Variants in PARD3B observed in about 807,000 individuals in gnomAD.
PARD3B encodes partitioning defective 3 homolog B.
Under a neutral mutation model 130.2 loss-of-function variants are expected in PARD3B, and 103 were observed. The ratio of observed to expected loss-of-function variants is 0.79; its 90% CI spans 0.67 to 0.93. The LOEUF (loss-of-function observed/expected upper bound fraction) is 0.93. Among genes scored for constraint, PARD3B ranks in the 40% least tolerant of loss-of-function variants. The probability of loss-of-function intolerance (pLI) is 0.00; values close to 1 mark genes in which losing one functional copy is unlikely to be tolerated. For synonymous variants in PARD3B, 583 were observed against 553.2 expected, an observed-to-expected ratio of 1.05 and a Z score of -0.76; for missense variants, 1,609 against 1,499.2, an observed-to-expected ratio of 1.07 and a Z score of -1.21.
intron 15 of PARD3B, among the ~76,000 whole-genome samples, chr2:205,214,068 A>G (rs1478504359): frequency 2.6e-5 from 4 of 151,980 alleles, no homozygotes; most frequent in African/African-American, 7.2e-5. Flanking sequence ...ATTCCTCTGT[A>G]TCTTCCTTTT....
chr2:205,204,035 T>A (rs1484401820), intron 15 of PARD3B, among the ~76,000 whole-genome samples: 1 of 152,238 alleles, frequency 6.6e-6, no homozygotes, highest in Non-Finnish European at 1.5e-5. Flanking sequence ...CACACTGTCT[T>A]CCACAATGGC....
intron 2 of PARD3B, among the ~76,000 whole-genome samples, chr2:204,740,945 AAGCAATGATG>A (rs1230187208): frequency 2.6e-5 from 4 of 152,230 alleles, no homozygotes; most frequent in Admixed American, 6.5e-5. Flanking sequence ...TCTAGAGAAA[AAGCAATGATG>A]ACTTCTAAAT....
intron 2 of PARD3B, among the ~76,000 whole-genome samples, chr2:204,722,613 C>G (rs747548960): frequency 2.6e-5 from 4 of 152,180 alleles, no homozygotes; most frequent in Non-Finnish European, 5.9e-5. Flanking sequence ...CTGACGTAAA[C>G]TCTCATCGGT....
At chr2:204,562,454 A>C (rs181641003) in intron 1 of PARD3B, among the ~76,000 whole-genome samples, 55 of 152,338 alleles carry the variant, frequency 3.6e-4, no homozygotes, top group Non-Finnish European at 1.6e-4. Context: ...CACGTACCTT[A>C]TATGTGTAAT....
rs1002590068 is a variant in PARD3B at position 204,665,610 on chromosome 2, G to A, written c.121-20571G>A. ...CTTGGCTGTGCCATTGGCCAATTTT[G>A]TGACCTCAGGGAGTGTGTAAAATCT... On this transcript the variant is annotated intron_variant, in intron 1 of 22. Coordinates refer to ENST00000406610, the MANE Select transcript of PARD3B (RefSeq NM_001302769.2). 3.9e-5 allele frequency among the ~76,000 whole-genome samples: 6 copies of A among 152,126 alleles called. No individual in the cohort carries two copies. In the South Asian group the frequency reaches 6.2e-4, roughly 16 times the overall value.
At chr2:204,915,765 C>T (rs2047418724) in intron 2 of PARD3B, among the ~76,000 whole-genome samples, 1 of 152,158 alleles carries the variant, frequency 6.6e-6, no homozygotes, top group Non-Finnish European at 1.5e-5. Context: ...AATTAATACT[C>T]GAGGCACCCT....
chr2:204,931,641 T>C (rs773492582), intron 2 of PARD3B, among the ~76,000 whole-genome samples: 1 of 151,956 alleles, frequency 6.6e-6, no homozygotes, highest in Non-Finnish European at 1.5e-5. Context: ...ATTGGCAAGC[T>C]TTCCAGCTTT....
intron 21 of PARD3B, among the ~76,000 whole-genome samples, chr2:205,504,053 A>C (rs534475996): frequency 6.6e-6 from 1 of 152,122 alleles, no homozygotes; most frequent in Non-Finnish European, 1.5e-5. Flanking sequence ...GAAGTTGCCT[A>C]TCAGCTTAAG....
rs1695732769 is a variant in PARD3B, at chr2:205,011,772, T to C, written c.395-35809T>C. ...AAGAAGGGGTCTCACCATTCAGTAT[T>C]TGACTCTTCCTTAGTTTTCTGGGTT... On this transcript the variant is annotated intron_variant, in intron 3 of 22. Coordinates refer to ENST00000406610, the MANE Select transcript of PARD3B (RefSeq NM_001302769.2). The surrounding 1 kb of genome is among the most constrained non-coding windows in gnomAD (Gnocchi z 4.1). Among the ~76,000 whole-genome samples the C allele has an allele frequency of 6.6e-6, 1 of 152,056 alleles. No homozygotes were observed. Among genetic ancestry groups the C allele is most frequent in the African/African-American group, 2.4e-5 (1 of 41,408 alleles).
At chr2:204,794,305 C>G (rs2042294754) in intron 2 of PARD3B, among the ~76,000 whole-genome samples, 1 of 152,092 alleles carries the variant, frequency 6.6e-6, no homozygotes, top group South Asian at 2.1e-4. Context: ...TATATTATTA[C>G]AAGATTGTTT....
chr2:205,266,857 A>G (rs1332173486), intron 16 of PARD3B, among the ~76,000 whole-genome samples: 1 of 152,096 alleles, frequency 6.6e-6, no homozygotes, highest in African/African-American at 2.4e-5. Context: ...ACTCAGGTTG[A>G]GGGAATATAA....
chr2:205,209,040 G>C lies in PARD3B; in HGVS notation c.2140+15720G>C, dbSNP rs1382396351. On this transcript the variant is annotated intron_variant, in intron 15 of 22. Coordinates refer to ENST00000406610, the MANE Select transcript of PARD3B (RefSeq NM_001302769.2). ...AACAGAGATATAGATCAATGGAACA[G>C]AACAGAGCCCTCAGAAATAACGCCG... is the stretch of plus-strand genomic sequence containing the variant. 4.2e-4 allele frequency among the ~76,000 whole-genome samples: 52 copies of C among 124,312 alleles called. 1 individual carries two copies. The highest frequency in any genetic ancestry group is 3.8e-3 in the Admixed American group (47 of 12,372). The allele number at this position is 124,312 out of a possible 152,430, so 81.6% of individuals were successfully genotyped here.
intron 2 of PARD3B, among the ~76,000 whole-genome samples, chr2:204,962,281 G>A (rs1421995233): frequency 1.3e-5 from 2 of 152,146 alleles, no homozygotes; most frequent in Non-Finnish European, 2.9e-5. Flanking sequence ...AGAGAAGGCA[G>A]CAGAGGAGGA....
chr2:204,828,091 GA>G (rs1228298827), intron 2 of PARD3B, among the ~76,000 whole-genome samples: 9 of 152,168 alleles, frequency 5.9e-5, no homozygotes, highest in Non-Finnish European at 1.2e-4. Context: ...TACAAAGGAA[GA>G]ATGTCATTTC....
At chr2:204,788,253 G>A (rs2125467836) in intron 2 of PARD3B, among the ~76,000 whole-genome samples, 1 of 152,288 alleles carries the variant, frequency 6.6e-6, no homozygotes, top group South Asian at 2.1e-4. Flanking sequence ...AAAGAAGATA[G>A]CCACTGCCTT....
chr2:204,560,412 A>G (rs967113690), intron 1 of PARD3B, among the ~76,000 whole-genome samples: 16 of 152,162 alleles, frequency 1.1e-4, no homozygotes, highest in African/African-American at 3.4e-4. Context: ...TAACAGGCAT[A>G]GAGGAGCATG....
intron 2 of PARD3B, among the ~76,000 whole-genome samples, chr2:204,696,277 C>T (rs542005963): frequency 7.9e-5 from 12 of 151,914 alleles, no homozygotes; most frequent in South Asian, 4.2e-4. Context: ...AAGAAAAAAA[C>T]GGAAACAAAA....
chr2:205,349,157 G>A (rs1364325551), intron 18 of PARD3B, among the ~76,000 whole-genome samples: 1 of 152,054 alleles, frequency 6.6e-6, no homozygotes, highest in Non-Finnish European at 1.5e-5. Context: ...TGTACTTTGG[G>A]GCAGAAAGAT....
At position 205,301,392 on chromosome 2, in the gene PARD3B, TG is replaced by T; in HGVS notation, c.2393-71del. On this transcript the variant is annotated intron_variant, in intron 17 of 22. Transcript: ENST00000406610. The surrounding 1 kb of genome is among the most constrained non-coding windows in gnomAD (Gnocchi z 5.2). ...GTTATTCATTCTTTTGCATTTTACA[TG>T]TTAGCGTTTCTCTGTATACTAACTG... 6.5e-7 allele frequency: 1 copy of T among 1,542,094 alleles called. No homozygotes were observed. The highest frequency in any genetic ancestry group is 8.7e-7 in the Non-Finnish European group (1 of 1,150,812).
Sources: gnomAD v4.1 joint callset for allele counts (sites outside exome capture counted in the v4.1 genomes callset) on GRCh38, gnomAD v4.1.1 for gene constraint, Gnocchi (gnomAD v3.1) non-coding constraint, MANE v1.5 for transcripts, NCBI Gene and HGNC (gene_info 2026-07-23, HGNC 2026-07-21) for gene names.